ERBB4: variants seen among roughly 807,000 people sequenced by gnomAD.
ERBB4 encodes erb-b2 receptor tyrosine kinase 4.
A neutral mutation model predicts 158.0 loss-of-function variants in ERBB4; 42 were observed. The ratio of observed to expected loss-of-function variants is 0.27; its 90% confidence interval spans 0.21 to 0.34. The LOEUF is 0.34. ERBB4 is among the 10% of genes least tolerant of loss of function. The pLI is 1.00. For synonymous variants in ERBB4, 583 were observed against 558.7 expected (o/e 1.04, Z -0.61); for missense variants, 1,333 against 1,624.1 (o/e 0.82, Z 3.08).
intron 1 of ERBB4, among the ~76,000 whole-genome samples, chr2:212,172,297 G>GT (rs138142623): frequency 5.3e-5 from 8 of 151,858 alleles, no homozygotes; most frequent in Middle Eastern, 3.4e-3. Flanking sequence ...AAAAAGGAAT[G>GT]TTTTTTTTAC....
chr2:212,314,431 TA>T lies in ERBB4; in HGVS notation c.83-189529del, dbSNP rs559108517. ...TAGATCAAAGTCTGTGGTATTACAT[TA>T]AAAAAAAAAAGAAAAGAAAAATGAA... is the stretch of plus-strand genomic sequence containing the variant. On this transcript the variant is annotated intron_variant, in intron 1 of 27. Transcript: ENST00000342788. 6.2e-3 allele frequency among the ~76,000 whole-genome samples: 915 copies of T among 148,680 alleles called. 8 individuals are homozygous for T. The highest frequency in any genetic ancestry group is 0.022 in the African/African-American group (865 of 40,104).
chr2:212,337,348 A>G (rs530154435), intron 1 of ERBB4, among the ~76,000 whole-genome samples: 28 of 152,250 alleles, frequency 1.8e-4, no homozygotes, highest in Non-Finnish European at 3.8e-4. Flanking sequence ...ACAAATTTAT[A>G]TATTTCAATG....
chr2:212,450,504 G>C (rs2092429795), intron 1 of ERBB4, among the ~76,000 whole-genome samples: 1 of 152,250 alleles, frequency 6.6e-6, no homozygotes, highest in South Asian at 2.1e-4. Flanking sequence ...AACACAGATA[G>C]ATAGGCACCA....
chr2:211,688,446 C>T (rs1289006913), intron 12 of ERBB4, among the ~76,000 whole-genome samples: 2 of 152,170 alleles, frequency 1.3e-5, no homozygotes, highest in Admixed American at 6.5e-5. Flanking sequence ...TTAGCCAGAG[C>T]AGTCATAAGG....
intron 1 of ERBB4, among the ~76,000 whole-genome samples, chr2:212,236,818 T>G (rs2083896576): frequency 6.6e-6 from 1 of 152,240 alleles, no homozygotes; most frequent in South Asian, 2.1e-4. Context: ...TGATATCTCC[T>G]TTATCAAATT....
intron 16 of ERBB4, among the ~76,000 whole-genome samples, chr2:211,656,553 C>T (rs938138729): frequency 1.3e-5 from 2 of 152,124 alleles, no homozygotes; most frequent in Non-Finnish European, 2.9e-5. Context: ...TAAGCACATG[C>T]TTTTGTACAA....
intron 5 of ERBB4, among the ~76,000 whole-genome samples, chr2:211,728,689 G>A (rs894049970): frequency 1.3e-5 from 2 of 151,750 alleles, no homozygotes; most frequent in African/African-American, 4.8e-5. Context: ...GCTTCTATTT[G>A]ACAGCTATTG....
At chr2:212,400,542 A>G (rs1203128492) in intron 1 of ERBB4, among the ~76,000 whole-genome samples, 3 of 152,210 alleles carry the variant, frequency 2.0e-5, no homozygotes, top group Admixed American at 6.5e-5. Context: ...AAAATCTTAT[A>G]TAGTTCCCTT....
At chr2:211,998,564 G>C (rs1252249459) in intron 2 of ERBB4, among the ~76,000 whole-genome samples, 4 of 145,214 alleles carry the variant, frequency 2.8e-5, no homozygotes, top group Non-Finnish European at 6.0e-5. Flanking sequence ...ATCCCTCCTT[G>C]ACCTGAAATC....
intron 1 of ERBB4, among the ~76,000 whole-genome samples, chr2:212,305,858 A>G (rs962740392): frequency 4.0e-5 from 6 of 151,466 alleles, no homozygotes; most frequent in Non-Finnish European, 8.9e-5. Context: ...AATGAATTTT[A>G]AAAAGAAACA....
chr2:211,416,780 C>T (rs1406056064), intron 25 of ERBB4, among the ~76,000 whole-genome samples: 1 of 151,590 alleles, frequency 6.6e-6, no homozygotes, highest in Non-Finnish European at 1.5e-5. Flanking sequence ...CCCAGGCCAA[C>T]AGTCTCTAAT....
chr2:212,462,938 T>A (rs542742437), intron 1 of ERBB4, among the ~76,000 whole-genome samples: 57 of 152,170 alleles, frequency 3.7e-4, no homozygotes, highest in African/African-American at 1.3e-3. Context: ...AAGAATGAAA[T>A]CTGTCATTTA....
At chr2:212,300,692 T>A (rs566684498) in intron 1 of ERBB4, among the ~76,000 whole-genome samples, 1 of 151,568 alleles carries the variant, frequency 6.6e-6, no homozygotes. Context: ...TATTATCTCA[T>A]GAGATGCTCA....
chr2:212,038,415 G>T (rs2077064209), intron 2 of ERBB4, among the ~76,000 whole-genome samples: 1 of 151,942 alleles, frequency 6.6e-6, no homozygotes, highest in South Asian at 2.1e-4. Context: ...TACAACTAAG[G>T]TATCCAGCTG....
At chr2:212,001,648 A>G (rs1049956048) in intron 2 of ERBB4, among the ~76,000 whole-genome samples, 2 of 152,320 alleles carry the variant, frequency 1.3e-5, no homozygotes, top group Non-Finnish European at 1.5e-5. Flanking sequence ...CTTTTTAAGA[A>G]AAGTCTTTTG....
rs200172669 is a variant in ERBB4 at position 211,387,148 on chromosome 2, G to A, written c.3186C>T (p.Asn1062=). ...AACCTCCATCTCGGTATACAAACTG[G>A]TTCTGTTAATAAGAGAAACATATGT... ...PPPAYTPMSG[N]QFVYRDGGFA... is the part of the protein sequence containing the mutation. The change falls in exon 27 of 28, where the codon AAC becomes AAT. Residue 1062 remains asparagine, a splice_region_variant and synonymous_variant. Coordinates refer to ENST00000342788, the MANE Select transcript of ERBB4 (RefSeq NM_005235.3). The A allele has an allele frequency of 1.2e-6, 2 of 1,610,682 alleles. No homozygotes were observed. The highest frequency in any genetic ancestry group is 1.7e-6 in the Non-Finnish European group (2 of 1,176,902).
chr2:211,802,041 C>T (rs955032538), intron 3 of ERBB4, among the ~76,000 whole-genome samples: 1 of 152,180 alleles, frequency 6.6e-6, no homozygotes. Context: ...GGGCGGATCA[C>T]GAGGTCAGGA....
chr2:211,658,380 T>TA lies in ERBB4; in HGVS notation c.1872-553dup, dbSNP rs140947685. On this transcript the variant is annotated intron_variant, in intron 15 of 27. Transcript: ENST00000342788. ...TCTTCTTAAAGGCCTTAAGTTTAAA[T>TA]AAAAAAAAAACAATAAGAAAACCAT... Among the ~76,000 whole-genome samples the TA allele has an allele frequency of 3.7e-3, 566 of 151,240 alleles. 1 individual carries two copies. The highest frequency in any genetic ancestry group is 5.3e-3 in the Non-Finnish European group (360 of 67,792).
At chr2:212,113,134 G>A (rs568510512) in intron 2 of ERBB4, among the ~76,000 whole-genome samples, 2 of 152,234 alleles carry the variant, frequency 1.3e-5, no homozygotes, top group South Asian at 4.1e-4. Flanking sequence ...ATTTGGGGGA[G>A]CATGTTAAGG....
Sources: allele counts gnomAD v4.1 joint callset (sites outside exome capture counted in the v4.1 genomes callset), GRCh38; gene constraint gnomAD v4.1.1; transcripts MANE v1.5; gene names NCBI Gene and HGNC (gene_info 2026-07-23, HGNC 2026-07-21).